USH2A: variants seen among roughly 807,000 people sequenced by gnomAD.
The protein encoded by USH2A is usherin, also known as Usher syndrome 2A (autosomal recessive, mild).
Under a neutral mutation model 538.9 loss-of-function variants are expected in USH2A, and 443 were observed. The ratio of observed to expected loss-of-function variants is 0.82; its 90% CI spans 0.76 to 0.89. The LOEUF is 0.89. Ranked by LOEUF, USH2A falls within the 40% of genes least tolerant of loss-of-function variation. The pLI, the probability that USH2A is intolerant of heterozygous loss-of-function variation, is 0.00. For synonymous variants in USH2A, 2,413 were observed against 2,273.5 expected, an observed-to-expected ratio of 1.06 and a Z score of -1.75; for missense variants, 6,633 against 6,324.8, an observed-to-expected ratio of 1.05 and a Z score of -1.65.
chr1:216,216,342 C>T (rs115142242), intron 15 of USH2A, among the ~76,000 whole-genome samples: 375 of 152,176 alleles, frequency 2.5e-3, no homozygotes, highest in African/African-American at 8.6e-3. Context: ...AATATGAATA[C>T]GTCTTCTTAA....
At chr1:216,202,471 AC>A (rs1406576696) in intron 16 of USH2A, among the ~76,000 whole-genome samples, 1 of 152,240 alleles carries the variant, frequency 6.6e-6, no homozygotes, top group African/African-American at 2.4e-5. Flanking sequence ...ATGATCCATA[AC>A]AAAAAAATAA....
At chr1:215,691,910 G>T (rs990702186) in intron 61 of USH2A, among the ~76,000 whole-genome samples, 7 of 151,752 alleles carry the variant, frequency 4.6e-5, no homozygotes, top group Non-Finnish European at 1.0e-4. Context: ...GAGAGTGTAG[G>T]TCAAGTAGAA....
At chr1:215,650,245 C>T (rs536593079) in intron 65 of USH2A, among the ~76,000 whole-genome samples, 1 of 152,296 alleles carries the variant, frequency 6.6e-6, no homozygotes, top group South Asian at 2.1e-4. Context: ...CATTTGCCAA[C>T]TTCTTACTAT....
At chr1:215,687,765 T>C (rs1177738178) in intron 61 of USH2A, among the ~76,000 whole-genome samples, 1 of 152,118 alleles carries the variant, frequency 6.6e-6, no homozygotes, top group Non-Finnish European at 1.5e-5. Flanking sequence ...AAAACTGTAC[T>C]AAAACTCATA....
intron 40 of USH2A, among the ~76,000 whole-genome samples, chr1:215,890,407 T>A (rs1353275892): frequency 1.3e-5 from 2 of 152,146 alleles, no homozygotes; most frequent in Non-Finnish European, 2.9e-5. Flanking sequence ...GTTATATGAG[T>A]ACACTTTCAC....
rs537124046 is a variant in USH2A at position 216,217,278 on chromosome 1, A to G, written c.3157+109T>C. ...TCCATCTCTTACCTACGTTCTTCAC[A>G]TTGTACTAAGCCTTTCTGATGGGTT... On this transcript the variant is annotated intron_variant, in intron 15 of 71. Coordinates refer to ENST00000307340, the MANE Select transcript of USH2A (RefSeq NM_206933.4). 10 of 1,415,550 alleles carry G rather than the reference A, an allele frequency of 7.1e-6. No homozygotes were observed. In the African/African-American group the frequency reaches 7.1e-5, roughly 10 times the overall value. The allele number at this position is 1,415,550 out of a possible 1,614,324, so 87.7% of individuals were successfully genotyped here.
At chr1:216,319,005 T>A (rs2037558584) in intron 9 of USH2A, among the ~76,000 whole-genome samples, 1 of 152,152 alleles carries the variant, frequency 6.6e-6, no homozygotes, top group Non-Finnish European at 1.5e-5. Flanking sequence ...TGAGAGAGAC[T>A]AATACCGACT....
chr1:216,175,284 C>T lies in USH2A; in HGVS notation c.4595G>A (p.Ser1532Asn), dbSNP rs112269780. Reference sequence around the variant, plus strand: ...GTCTGTATTGACTGGGTGAGTGGAGCTGGGAAATTTACAATACCCATTTCC... The same window carrying T: ...GTCTGTATTGACTGGGTGAGTGGAGTTGGGAAATTTACAATACCCATTTCC... ...FIGNGYCKFP[S>N]STHPVNTDFT... The change falls in exon 21 of 72, where the codon AGC (serine) becomes AAC (asparagine). Residue 1532 changes from serine to asparagine, a missense_variant. Coordinates refer to ENST00000307340, the MANE Select transcript of USH2A (RefSeq NM_206933.4). 3.1e-6 allele frequency: 5 copies of T among 1,613,586 alleles called. No homozygotes were observed. In the African/African-American group the frequency reaches 5.3e-5, roughly 17 times the overall value.
intron 56 of USH2A, 76 bp from the exon 57 acceptor site, chr1:215,759,919 C>CA (rs1389540801): frequency 3.2e-6 from 5 of 1,549,468 alleles, no homozygotes; most frequent in Admixed American, 1.7e-5. Flanking sequence ...CCATCCCCCC[C>CA]ATGAACTGTG....
chr1:216,149,400 A>G (rs111978832), intron 21 of USH2A, among the ~76,000 whole-genome samples: 2,949 of 152,248 alleles, frequency 0.019, 63 homozygotes, highest in African/African-American at 0.055. Flanking sequence ...CTTGGTATTC[A>G]GTGGAACCTT....
At chr1:215,936,720 C>T (rs1666508033) in intron 37 of USH2A, among the ~76,000 whole-genome samples, 1 of 152,010 alleles carries the variant, frequency 6.6e-6, no homozygotes, top group Admixed American at 6.6e-5. Context: ...TAGCAATTAC[C>T]TACCTATTCT....
At chr1:216,217,246 A>AT (rs967683453) in intron 15 of USH2A, 141 bp downstream of exon 15, 10 of 982,586 alleles carry the variant, frequency 1.0e-5, no homozygotes, top group Admixed American at 6.7e-5. Context: ...CATTCAGTGT[A>AT]TTTTTTTCCA....
Position 216,422,555 on chromosome 1 carries a change from C to A in USH2A, c.-204-15G>T. On this transcript the variant is annotated splice_polypyrimidine_tract_variant and intron_variant, in intron 1 of 71. Coordinates refer to ENST00000307340, the MANE Select transcript of USH2A (RefSeq NM_206933.4). ...GCTGCTGGTATCTGGGAATCAAAAA[C>A]GTAGGGCGTCAAGGGAAAGCTGCTG... is the stretch of plus-strand genomic sequence containing the variant. 1 of 583,144 alleles carries A rather than the reference C, an allele frequency of 1.7e-6. No individual in the cohort carries two copies. The allele number at this position is 583,144 out of a possible 1,614,324, so 36.1% of individuals were successfully genotyped here. A position where few individuals can be genotyped will look rare whatever the true frequency, so the allele number is the denominator to read the frequency against.
At chr1:216,082,662 G>A (rs1458172213) in intron 26 of USH2A, among the ~76,000 whole-genome samples, 2 of 151,974 alleles carry the variant, frequency 1.3e-5, no homozygotes. Context: ...AATGATTAAA[G>A]ACAAGGAAAA....
intron 9 of USH2A, among the ~76,000 whole-genome samples, chr1:216,311,581 G>A (rs2037420652): frequency 6.6e-6 from 1 of 152,064 alleles, no homozygotes; most frequent in Non-Finnish European, 1.5e-5. Context: ...TGGCGGGAGA[G>A]GGGCGCGGTG....
At chr1:215,733,963 C>A (rs1460113199) in intron 60 of USH2A, among the ~76,000 whole-genome samples, 1 of 152,210 alleles carries the variant, frequency 6.6e-6, no homozygotes. Context: ...GCCCCCTTCC[C>A]ACAGCTCCAA....
chr1:215,797,063 C>T (rs866728520), intron 50 of USH2A, among the ~76,000 whole-genome samples: 1 of 152,110 alleles, frequency 6.6e-6, no homozygotes, highest in African/African-American at 2.4e-5. Context: ...ATAAGTGAAA[C>T]AGCCTTATTG....
chr1:215,678,081 T>A (rs183272485), intron 62 of USH2A, among the ~76,000 whole-genome samples: 213 of 152,328 alleles, frequency 1.4e-3, no homozygotes, highest in African/African-American at 4.7e-3. Context: ...TCACCTATAG[T>A]GCATGATTTC....
At chr1:216,206,486 G>T (rs1267579372) in intron 16 of USH2A, among the ~76,000 whole-genome samples, 1 of 152,108 alleles carries the variant, frequency 6.6e-6, no homozygotes, top group Non-Finnish European at 1.5e-5. Context: ...GTTCCTATGA[G>T]AATCTCATGC....
Sources: allele counts gnomAD v4.1 joint callset (sites outside exome capture counted in the v4.1 genomes callset), GRCh38; gene constraint gnomAD v4.1.1; transcripts MANE v1.5; gene names NCBI Gene and HGNC (gene_info 2026-07-23, HGNC 2026-07-21).